Variants in NCOA3 observed in about 807,000 individuals in gnomAD.
NCOA3 encodes nuclear receptor coactivator 3, also known as CBP-interacting protein.
Under a neutral mutation model 158.8 loss-of-function variants are expected in NCOA3, and 51 were observed. The ratio of observed to expected loss-of-function variants is 0.32; its 90% CI spans 0.26 to 0.41. The LOEUF is 0.41. NCOA3 is among the 10% of genes least tolerant of loss of function. NCOA3 has a pLI of 1.00. For missense variants in NCOA3, 1,510 were observed against 1,746.6 expected (o/e 0.86, Z 2.41); for synonymous variants, 537 against 592.4 (o/e 0.91, Z 1.36).
chr20:47,509,460 T>A (rs1055321114), intron 1 of NCOA3, among the ~76,000 whole-genome samples: 2 of 152,158 alleles, frequency 1.3e-5, no homozygotes, highest in African/African-American at 4.8e-5. Flanking sequence ...TGTGTGTGTG[T>A]GAGAGAGAGG....
chr20:47,592,382 C>A (rs191286094), intron 2 of NCOA3, among the ~76,000 whole-genome samples: 172 of 152,284 alleles, frequency 1.1e-3, no homozygotes, highest in African/African-American at 4.0e-3. Context: ...AAGGTTCTAA[C>A]CATTTTTCTT....
chr20:47,566,785 C>T (rs1416562891), intron 1 of NCOA3, among the ~76,000 whole-genome samples: 1 of 152,062 alleles, frequency 6.6e-6, no homozygotes, highest in African/African-American at 2.4e-5. Context: ...GTTGAGATTA[C>T]AGGCATGAGC....
chr20:47,597,803 G>A (rs1222283178), intron 2 of NCOA3, among the ~76,000 whole-genome samples: 1 of 151,364 alleles, frequency 6.6e-6, no homozygotes, highest in Non-Finnish European at 1.5e-5. Context: ...CTTTCCTTTT[G>A]ATTCCTCCTT....
At chr20:47,623,669 T>G (rs1044709536) in intron 3 of NCOA3, among the ~76,000 whole-genome samples, 1 of 152,004 alleles carries the variant, frequency 6.6e-6, no homozygotes, top group Non-Finnish European at 1.5e-5. Flanking sequence ...ATGCCTGTAA[T>G]CCCAGCTACT....
At position 47,589,378 on chromosome 20, in the gene NCOA3, CTTTA is replaced by C. The variant is rs769512384; in HGVS notation, c.-20+6125_-20+6128del. ...CCATATACATTGTCTGATTATAGGA[CTTTA>C]TTTATTTTTTTGAGATAGAGTCTCG... On this transcript the variant is annotated intron_variant, in intron 2 of 22. Transcript: ENST00000371998. Among the ~76,000 whole-genome samples the C allele has an allele frequency of 4.6e-5, 7 of 151,898 alleles. No homozygotes were observed. In the East Asian group the frequency reaches 5.8e-4, roughly 13 times the overall value.
At chr20:47,641,437 TACCTCCCA>T (rs1387703367) in intron 16 of NCOA3, among the ~76,000 whole-genome samples, 8 of 140,638 alleles carry the variant, frequency 5.7e-5, no homozygotes. Flanking sequence ...TGCCCACCTC[TACCTCCCA>T]AAGTTCTGGG....
chr20:47,557,773 G>T (rs2085030324), intron 1 of NCOA3, among the ~76,000 whole-genome samples: 1 of 152,108 alleles, frequency 6.6e-6, no homozygotes, highest in Admixed American at 6.6e-5. Flanking sequence ...TTTCAAATGA[G>T]TATAATCCTT....
intron 2 of NCOA3, among the ~76,000 whole-genome samples, chr20:47,611,773 CAG>C (rs2086048125): frequency 1.3e-5 from 2 of 151,948 alleles, no homozygotes; most frequent in Admixed American, 1.3e-4. Flanking sequence ...GCCTGGGTGA[CAG>C]AGCGAGACTC....
intron 1 of NCOA3, among the ~76,000 whole-genome samples, chr20:47,580,318 AC>A (rs1165037023): frequency 6.6e-6 from 1 of 151,786 alleles, no homozygotes; most frequent in Non-Finnish European, 1.5e-5. Flanking sequence ...TAATCCCAGC[AC>A]TTTGGGAGGC....
intron 1 of NCOA3, among the ~76,000 whole-genome samples, chr20:47,549,366 TA>T (rs140708289): frequency 0.011 from 1,609 of 145,270 alleles, 32 homozygotes; most frequent in East Asian, 0.056. Context: ...GACAAAAAAT[TA>T]AAAAAAAAAA....
At chr20:47,518,662 T>C (rs1021890530) in intron 1 of NCOA3, among the ~76,000 whole-genome samples, 3 of 151,750 alleles carry the variant, frequency 2.0e-5, no homozygotes, top group African/African-American at 7.3e-5. Flanking sequence ...TGACCTCAGG[T>C]GATCTACCTG....
At chr20:47,591,200 C>G (rs1285721737) in intron 2 of NCOA3, among the ~76,000 whole-genome samples, 1 of 152,174 alleles carries the variant, frequency 6.6e-6, no homozygotes, top group East Asian at 1.9e-4. Context: ...TTCATTTAGT[C>G]CTATGCAGTT....
At chr20:47,614,189 G>A (rs1457759213) in intron 2 of NCOA3, among the ~76,000 whole-genome samples, 1 of 152,086 alleles carries the variant, frequency 6.6e-6, no homozygotes, top group African/African-American at 2.4e-5. Flanking sequence ...GGGTATGAAT[G>A]ACGGATTGAA....
At chr20:47,609,864 C>T (rs1244176139) in intron 2 of NCOA3, among the ~76,000 whole-genome samples, 3 of 151,926 alleles carry the variant, frequency 2.0e-5, no homozygotes, top group African/African-American at 7.3e-5. Flanking sequence ...TACTTCTCCT[C>T]CTCTTTGCAG....
chr20:47,597,397 G>A (rs1437084664), intron 2 of NCOA3, among the ~76,000 whole-genome samples: 1 of 150,644 alleles, frequency 6.6e-6, no homozygotes, highest in Non-Finnish European at 1.5e-5. Flanking sequence ...AGGCTCTCTG[G>A]TCTCCCACTC....
rs184674309 is a variant in NCOA3 at position 47,514,583 on chromosome 20, G to C, written c.-99+12564G>C. 2.5e-3 allele frequency among the ~76,000 whole-genome samples: 376 copies of C among 151,926 alleles called. 1 individual carries two copies. The highest frequency in any genetic ancestry group is 8.0e-3 in the African/African-American group (332 of 41,456). ...TTTTTTTGTATTTTTGGTAGAGATT[G>C]GGTTTCACCATGTTGGCCTGGCTGG... On this transcript the variant is annotated intron_variant, in intron 1 of 22. Coordinates refer to ENST00000371998, the MANE Select transcript of NCOA3 (RefSeq NM_181659.3).
At chr20:47,650,876 C>A in intron 19 of NCOA3, 106 bp from the exon 20 acceptor site, 1 of 1,096,562 alleles carries the variant, frequency 9.1e-7, no homozygotes. Context: ...AAAGAAGGCC[C>A]TGGGTGTTTT....
intron 1 of NCOA3, among the ~76,000 whole-genome samples, chr20:47,532,800 G>A (rs1481088009): frequency 6.6e-6 from 1 of 151,800 alleles, no homozygotes. Context: ...TTGTATTTTT[G>A]GTTATTCCAA....
intron 1 of NCOA3, among the ~76,000 whole-genome samples, chr20:47,547,712 C>G (rs1366790423): frequency 1.3e-5 from 2 of 149,756 alleles, no homozygotes; most frequent in Non-Finnish European, 3.0e-5. Context: ...GCCACCGCGC[C>G]CGGCCCGTTT....
Sources: allele counts gnomAD v4.1 joint callset (sites outside exome capture counted in the v4.1 genomes callset), GRCh38; gene constraint gnomAD v4.1.1; transcripts MANE v1.5; gene names NCBI Gene and HGNC (gene_info 2026-07-23, HGNC 2026-07-21).